The following WDFY3 variants were observed in gnomAD, a reference collection of about 807,000 sequenced individuals.
The protein encoded by WDFY3 is WD repeat and FYVE domain containing 3, also known as WD repeat and FYVE domain-containing protein 3.
Under a neutral mutation model 409.6 loss-of-function variants are expected in WDFY3, and 66 were observed. The ratio of observed to expected loss-of-function variants is 0.16; its 90% CI spans 0.13 to 0.20. The LOEUF (loss-of-function observed/expected upper bound fraction) is 0.20, where lower values mean the gene tolerates loss of function less well. Among genes scored for constraint, WDFY3 ranks in the 10% least tolerant of loss-of-function variants. The probability of loss-of-function intolerance (pLI) is 1.00; values close to 1 mark genes in which losing one functional copy is unlikely to be tolerated. For missense variants in WDFY3, 3,031 were observed against 4,298.1 expected (o/e 0.71, Z 8.24); for synonymous variants, 1,521 against 1,537.1 (o/e 0.99, Z 0.25).
At chr4:84,748,578 C>T (rs573426490) in intron 36 of WDFY3, among the ~76,000 whole-genome samples, 16 of 152,134 alleles carry the variant, frequency 1.1e-4, no homozygotes, top group Non-Finnish European at 2.2e-4. Flanking sequence ...CCAGGCACTT[C>T]TTACTCTCAA....
chr4:84,893,932 T>C (rs1017524642), intron 3 of WDFY3, among the ~76,000 whole-genome samples: 1 of 151,478 alleles, frequency 6.6e-6, no homozygotes. Flanking sequence ...GAGGTTGCAA[T>C]GAGCCGAGGC....
In WDFY3 at chr4:84,817,552, G is replaced by A. The variant is rs967788700; in HGVS notation, c.1727C>T (p.Ala576Val). 2 of 1,604,042 alleles carry A rather than the reference G, an allele frequency of 1.2e-6. No homozygotes were observed. Among genetic ancestry groups the A allele is most frequent in the Non-Finnish European group, 1.7e-6 (2 of 1,176,172 alleles). The change falls in exon 13 of 68, where the codon GCA (alanine) becomes GTA (valine). Residue 576 changes from alanine (A) to valine (V), a missense_variant. Physicochemically the swap from Ala to Val is moderately conservative, Grantham distance 64 (BLOSUM62 0). Around this residue, in one of 16 missense-constraint regions of WDFY3, gnomAD observed 1,322 missense variants for 1,697.9 expected, o/e 0.78. Transcript: ENST00000295888. The stretch of plus-strand genomic sequence containing the variant: ...TTGAGGGTACTTTACTATATTATGT[G>A]CACATCTTGCACCTCCAAATTCTCG... ...IFREFGGARC[A>V]HNIVKYPQCR...
chr4:84,711,251 A>C (rs1397939564), intron 51 of WDFY3, among the ~76,000 whole-genome samples: 1 of 152,238 alleles, frequency 6.6e-6, no homozygotes, highest in Non-Finnish European at 1.5e-5. Context: ...TATAAGGAGC[A>C]TAAAGGAATC....
At chr4:84,901,887 T>C (rs1766383891) in intron 2 of WDFY3, among the ~76,000 whole-genome samples, 1 of 152,240 alleles carries the variant, frequency 6.6e-6, no homozygotes, top group Non-Finnish European at 1.5e-5. Flanking sequence ...GGCAGGTTGA[T>C]ATCTGAGGGT....
chr4:84,908,327 AAGAT>A (rs1767318463), intron 2 of WDFY3, among the ~76,000 whole-genome samples: 1 of 152,208 alleles, frequency 6.6e-6, no homozygotes. Flanking sequence ...AGAAGGTAGA[AAGAT>A]AGAACTTTAT....
In WDFY3 at chr4:84,789,854, G is replaced by A. The variant is rs1226892801; in HGVS notation, c.3541C>T (p.Arg1181Cys). ...SFYEILPCCA[R>C]FRCGELIIEG... ...ATGATAAGCTCTCCACATCGAAAGC[G>A]AGCACAGCATGGGAGAATTTCATAA... The change falls in exon 22 of 68, where the codon CGC becomes TGC. Residue 1181 changes from arginine (R) to cysteine (C), a missense_variant. Physicochemically the swap from Arg to Cys is radical, Grantham distance 180 (BLOSUM62 -3). Coordinates refer to ENST00000295888, the MANE Select transcript of WDFY3 (RefSeq NM_014991.6). 4.3e-6 allele frequency: 7 copies of A among 1,613,984 alleles called. No homozygotes were observed. Among genetic ancestry groups the A allele is most frequent in the Middle Eastern group, 3.3e-4 (2 of 6,062 alleles).
At chr4:84,709,231 A>G in intron 52 of WDFY3, 62 bp downstream of exon 52, 2 of 1,498,650 alleles carry the variant, frequency 1.3e-6, no homozygotes, top group Non-Finnish European at 1.8e-6. Context: ...AGTGCTTTTA[A>G]CTGTATGACT....
At chr4:84,715,504 G>T (rs894172750) in intron 49 of WDFY3, 121 bp from the exon 50 acceptor site, 1 of 568,684 alleles carries the variant, frequency 1.8e-6, no homozygotes, top group South Asian at 2.2e-5. Flanking sequence ...GCCGGGCGCG[G>T]TGGCTCATGC....
intron 1 of WDFY3, among the ~76,000 whole-genome samples, chr4:84,935,187 C>G (rs1324634720): frequency 2.6e-5 from 4 of 152,160 alleles, no homozygotes; most frequent in Non-Finnish European, 4.4e-5. Flanking sequence ...TATGAAAGTT[C>G]TGACATGTGT....
chr4:84,764,571 T>A (rs1743274491), intron 32 of WDFY3, among the ~76,000 whole-genome samples: 1 of 152,100 alleles, frequency 6.6e-6, no homozygotes, highest in African/African-American at 2.4e-5. Context: ...GAAAGACCTG[T>A]CTTCCTATGG....
rs1034570064 is a variant in WDFY3 at position 84,684,091 on chromosome 4, T to C, written c.9578A>G (p.His3193Arg). The change falls in exon 63 of 68, where the codon CAT becomes CGT. Residue 3193 changes from histidine (H) to arginine (R), a missense_variant. Coordinates refer to ENST00000295888, the MANE Select transcript of WDFY3 (RefSeq NM_014991.6). ...DIVSCAGTYI[H>R]VWSINGNPIV... ...AGGGTTCCCATTGATGCTCCACACA[T>C]GGATATATGTGCCAGCGCAGGACAC... 6.2e-7 allele frequency: 1 copy of C among 1,605,956 alleles called. No individual in the cohort carries two copies. The highest frequency in any genetic ancestry group is 2.2e-5 in the East Asian group (1 of 44,596).
chr4:84,962,390 C>T (rs1325653831), intron 1 of WDFY3, among the ~76,000 whole-genome samples: 4 of 151,882 alleles, frequency 2.6e-5, no homozygotes, highest in African/African-American at 9.7e-5. Flanking sequence ...CAAGGGAACA[C>T]GAAAGGCTAC....
intron 44 of WDFY3, among the ~76,000 whole-genome samples, chr4:84,728,225 C>CA (rs1481660513): frequency 2.0e-5 from 3 of 151,922 alleles, no homozygotes; most frequent in Non-Finnish European, 2.9e-5. Flanking sequence ...CAAAACAAAA[C>CA]AAACAAACAA....
At chr4:84,826,239 A>G (rs1478441375) in intron 10 of WDFY3, among the ~76,000 whole-genome samples, 1 of 152,226 alleles carries the variant, frequency 6.6e-6, no homozygotes, top group Non-Finnish European at 1.5e-5. Context: ...ATTATTTCCT[A>G]AACAATACAG....
At chr4:84,904,048 G>C (rs1391909007) in intron 2 of WDFY3, among the ~76,000 whole-genome samples, 2 of 152,116 alleles carry the variant, frequency 1.3e-5, no homozygotes, top group Non-Finnish European at 2.9e-5. Flanking sequence ...TAGGTCATGA[G>C]GGTGGAACTC....
intron 53 of WDFY3, among the ~76,000 whole-genome samples, chr4:84,706,956 T>C (rs1411441902): frequency 2.0e-5 from 3 of 150,422 alleles, no homozygotes; most frequent in Non-Finnish European, 4.4e-5. Flanking sequence ...TTTTTTTTTT[T>C]GAGACAGCTT....
intron 61 of WDFY3, among the ~76,000 whole-genome samples, chr4:84,688,781 C>G (rs1052739627): frequency 3.3e-5 from 5 of 152,042 alleles, no homozygotes; most frequent in Admixed American, 1.3e-4. Flanking sequence ...ATAGACAAAG[C>G]GAGAATGTAG....
chr4:84,774,681 G>A (rs960513665), intron 29 of WDFY3, 139 bp downstream of exon 29: 15 of 908,854 alleles, frequency 1.7e-5, no homozygotes, highest in East Asian at 5.5e-5. Context: ...TTTTCCATGC[G>A]TCATAAATAT....
intron 11 of WDFY3, among the ~76,000 whole-genome samples, chr4:84,820,633 C>T (rs1156527892): frequency 6.6e-6 from 1 of 151,918 alleles, no homozygotes; most frequent in Non-Finnish European, 1.5e-5. Flanking sequence ...CAGAGAGGTA[C>T]CCAATGATAA....
Sources: gnomAD v4.1 joint callset for allele counts (sites outside exome capture counted in the v4.1 genomes callset) on GRCh38, gnomAD v4.1.1 for gene constraint, gnomAD v4.1.1 regional missense constraint, MANE v1.5 for transcripts, NCBI Gene and HGNC (gene_info 2026-07-23, HGNC 2026-07-21) for gene names.